The following TMEM135 variants were observed in gnomAD, a reference collection of about 807,000 sequenced individuals.
TMEM135 encodes peroxisomal membrane protein 52.
A neutral mutation model predicts 60.3 loss-of-function variants in TMEM135; 30 were observed. The ratio of observed to expected loss-of-function variants is 0.50; its 90% CI spans 0.37 to 0.68. The LOEUF (loss-of-function observed/expected upper bound fraction) is 0.68. TMEM135 is among the 30% of genes least tolerant of loss of function. The pLI, the probability that TMEM135 is intolerant of heterozygous loss-of-function variation, is 0.00. For missense variants in TMEM135, 468 were observed against 548.8 expected (o/e 0.85, Z 1.47); for synonymous variants, 190 against 186.7 (o/e 1.02, Z -0.14).
At chr11:87,250,328 T>A (rs1026587978) in intron 6 of TMEM135, among the ~76,000 whole-genome samples, 2 of 152,118 alleles carry the variant, frequency 1.3e-5, no homozygotes, top group African/African-American at 4.8e-5. Flanking sequence ...TCTGCTAATT[T>A]TGGGCTTGGT....
intron 13 of TMEM135, 162 bp from the exon 14 acceptor site, chr11:87,319,148 T>G: frequency 1.5e-6 from 1 of 650,042 alleles, no homozygotes; most frequent in Admixed American, 2.3e-5. Context: ...AGATTACAGG[T>G]GTGAGCCACC....
chr11:87,252,364 T>A (rs1941434411), intron 6 of TMEM135, among the ~76,000 whole-genome samples: 1 of 152,038 alleles, frequency 6.6e-6, no homozygotes. Context: ...TTGGAAGCCT[T>A]GCACATGTGT....
intron 1 of TMEM135, among the ~76,000 whole-genome samples, chr11:87,065,560 A>G (rs1240553021): frequency 6.6e-6 from 1 of 152,112 alleles, no homozygotes; most frequent in Admixed American, 6.5e-5. Flanking sequence ...TGTATTCTAG[A>G]TACTAGTTCC....
At chr11:87,186,359 A>G (rs1939654381) in intron 5 of TMEM135, among the ~76,000 whole-genome samples, 1 of 152,182 alleles carries the variant, frequency 6.6e-6, no homozygotes, top group African/African-American at 2.4e-5. Context: ...CCCAGCTACA[A>G]TCAGCCATTT....
At chr11:87,235,999 A>T (rs1940985115) in intron 5 of TMEM135, among the ~76,000 whole-genome samples, 1 of 151,916 alleles carries the variant, frequency 6.6e-6, no homozygotes, top group African/African-American at 2.4e-5. Flanking sequence ...ACATTAGAAG[A>T]TCTGGTCATC....
At chr11:87,283,995 A>T (rs1228894946) in intron 6 of TMEM135, among the ~76,000 whole-genome samples, 1 of 152,264 alleles carries the variant, frequency 6.6e-6, no homozygotes, top group Non-Finnish European at 1.5e-5. Flanking sequence ...TCTTTAAAAA[A>T]TAGATTGGTT....
intron 5 of TMEM135, among the ~76,000 whole-genome samples, chr11:87,169,478 C>T (rs1243705390): frequency 6.6e-6 from 1 of 151,692 alleles, no homozygotes; most frequent in African/African-American, 2.4e-5. Flanking sequence ...CCTTCAGGAG[C>T]TCTTGTGAGG....
intron 5 of TMEM135, among the ~76,000 whole-genome samples, chr11:87,219,061 C>G (rs1940563895): frequency 6.6e-6 from 1 of 152,084 alleles, no homozygotes; most frequent in Non-Finnish European, 1.5e-5. Context: ...AATATCTATT[C>G]AAAATTATTT....
At chr11:87,082,878 A>G (rs147772538) in intron 3 of TMEM135, among the ~76,000 whole-genome samples, 52 of 152,360 alleles carry the variant, frequency 3.4e-4, no homozygotes, top group African/African-American at 1.2e-3. Context: ...TTAATAGTGC[A>G]ATCTTTACTC....
At chr11:87,316,313 A>C (rs567690710) in intron 12 of TMEM135, among the ~76,000 whole-genome samples, 61 of 151,454 alleles carry the variant, frequency 4.0e-4, no homozygotes, top group African/African-American at 1.4e-3. Flanking sequence ...AGACAGAGAA[A>C]GAGAGAGAGA....
intron 10 of TMEM135, among the ~76,000 whole-genome samples, chr11:87,311,454 C>T (rs1942640027): frequency 1.3e-5 from 2 of 152,004 alleles, no homozygotes; most frequent in South Asian, 2.1e-4. Flanking sequence ...AAATTTCTCA[C>T]GTTATAGCAT....
At chr11:87,093,283 G>A (rs968312434) in intron 4 of TMEM135, among the ~76,000 whole-genome samples, 1 of 151,930 alleles carries the variant, frequency 6.6e-6, no homozygotes, top group Admixed American at 6.6e-5. Flanking sequence ...GTGTGATCAC[G>A]GCTCACTACA....
intron 9 of TMEM135, among the ~76,000 whole-genome samples, chr11:87,308,252 G>A (rs1305455795): frequency 6.6e-6 from 1 of 152,118 alleles, no homozygotes; most frequent in Non-Finnish European, 1.5e-5. Context: ...ACATTAATGG[G>A]TGGATGAATA....
chr11:87,224,267 A>G (rs1035001168), intron 5 of TMEM135, among the ~76,000 whole-genome samples: 1 of 152,178 alleles, frequency 6.6e-6, no homozygotes, highest in Admixed American at 6.5e-5. Flanking sequence ...AAAATGTGGA[A>G]CTCAGTTAGA....
At chr11:87,056,362 C>T (rs1277354208) in intron 1 of TMEM135, among the ~76,000 whole-genome samples, 1 of 152,194 alleles carries the variant, frequency 6.6e-6, no homozygotes, top group Non-Finnish European at 1.5e-5. Flanking sequence ...AACACCTCTG[C>T]CTCCCAAAGA....
At chr11:87,160,535 T>C (rs774391317) in intron 5 of TMEM135, among the ~76,000 whole-genome samples, 3 of 152,184 alleles carry the variant, frequency 2.0e-5, no homozygotes, top group Non-Finnish European at 4.4e-5. Context: ...CAAAGTTCAT[T>C]GATTCTACTA....
At chr11:87,167,173 C>G (rs1203594220) in intron 5 of TMEM135, among the ~76,000 whole-genome samples, 5 of 152,152 alleles carry the variant, frequency 3.3e-5, no homozygotes, top group Admixed American at 2.0e-4. Flanking sequence ...TGAGACTTTG[C>G]TAAGTTGCCT....
intron 1 of TMEM135, among the ~76,000 whole-genome samples, chr11:87,058,267 A>G (rs962980890): frequency 2.0e-5 from 3 of 152,218 alleles, no homozygotes; most frequent in Admixed American, 6.5e-5. Flanking sequence ...AGATTGATAC[A>G]TAAAATTAAA....
At chr11:87,142,556 C>G (rs1938292016) in intron 4 of TMEM135, among the ~76,000 whole-genome samples, 1 of 152,142 alleles carries the variant, frequency 6.6e-6, no homozygotes, top group Non-Finnish European at 1.5e-5. Context: ...TGTTTTCTCT[C>G]CCTAAGTATA....
Sources: allele counts gnomAD v4.1 joint callset (sites outside exome capture counted in the v4.1 genomes callset), GRCh38; gene constraint gnomAD v4.1.1; transcripts MANE v1.5; gene names NCBI Gene and HGNC (gene_info 2026-07-23, HGNC 2026-07-21).